The following UTP4 variants were observed in gnomAD, a reference collection of about 807,000 sequenced individuals.
The protein encoded by UTP4 is U3 small nucleolar RNA-associated protein 4 homolog.
A neutral mutation model predicts 82.4 loss-of-function variants in UTP4; 45 were observed. That is an observed-to-expected ratio of 0.55 (90% CI 0.43 to 0.70). UTP4 has a LOEUF of 0.70. Ranked by LOEUF, UTP4 falls within the 30% of genes least tolerant of loss-of-function variation. The pLI, the probability that UTP4 is intolerant of heterozygous loss-of-function variation, is 0.00. For missense variants in UTP4, 819 were observed against 858.3 expected, an observed-to-expected ratio of 0.95 and a Z score of 0.57; for synonymous variants, 348 against 300.3, an observed-to-expected ratio of 1.16 and a Z score of -1.64.
At chr16:69,133,923 T>C (rs1205467616) in intron 2 of UTP4, among the ~76,000 whole-genome samples, 3 of 152,232 alleles carry the variant, frequency 2.0e-5, no homozygotes, top group Non-Finnish European at 4.4e-5. Context: ...CTCAACACCA[T>C]TGCAGCTTTG....
intron 14 of UTP4, among the ~76,000 whole-genome samples, chr16:69,163,916 C>G (rs946729411): frequency 7.1e-6 from 1 of 140,098 alleles, no homozygotes; most frequent in African/African-American, 2.8e-5. Context: ...GACAGAGTCT[C>G]GCTCTGTCGC....
intron 4 of UTP4, 72 bp downstream of exon 4, chr16:69,137,957 G>C: frequency 1.1e-6 from 1 of 935,392 alleles, no homozygotes. Flanking sequence ...CTGGGGATGG[G>C]ATATTTTCCC....
At chr16:69,149,537 C>T (rs555281411) in intron 6 of UTP4, among the ~76,000 whole-genome samples, 2 of 151,796 alleles carry the variant, frequency 1.3e-5, no homozygotes, top group Admixed American at 6.6e-5. Context: ...GGTGACAGAG[C>T]GAAACTCCGT....
At chr16:69,156,480 C>T (rs145329688) in intron 11 of UTP4, among the ~76,000 whole-genome samples, 3,033 of 142,572 alleles carry the variant, frequency 0.021, 47 homozygotes, top group Non-Finnish European at 0.029. Flanking sequence ...TTTTTTTTGA[C>T]CGAGTTTCAC....
At position 69,136,865 on chromosome 16, in the gene UTP4, G is replaced by A. The variant is rs1013526056; in HGVS notation, c.329G>A (p.Ser110Asn). The A allele has an allele frequency of 6.2e-7, 1 of 1,614,110 alleles. No individual in the cohort carries two copies. The highest frequency in any genetic ancestry group is 8.5e-7 in the Non-Finnish European group (1 of 1,179,998). Residue 110 changes from serine (S) to asparagine (N), a missense_variant, in exon 3 of 17, where the codon AGC becomes AAC. Physicochemically the swap from Ser to Asn is conservative, Grantham distance 46 (BLOSUM62 1). Coordinates refer to ENST00000314423, the MANE Select transcript of UTP4 (RefSeq NM_032830.3). ...FGGPIWSMAA[S>N]PSGSQLLVGC... ...GGACCTATTTGGAGCATGGCTGCCA[G>A]CCCCAGTGGCTCTCAACTTTTGGTT... is the stretch of plus-strand genomic sequence containing the variant.
Position 69,167,991 on chromosome 16 carries a change from T to C in UTP4, c.1944+806T>C, listed in dbSNP as rs1439385255. ...TTGCACCACTGCACTCCAGGCTGGG[T>C]AACATCGAGATTCTGTCTGAGAAAA... is the stretch of plus-strand genomic sequence containing the variant. On this transcript the variant is annotated intron_variant, in intron 16 of 16. Coordinates refer to ENST00000314423, the MANE Select transcript of UTP4 (RefSeq NM_032830.3). 2.0e-5 allele frequency: 3 copies of C among 151,034 alleles called. No individual in the cohort carries two copies. The East Asian group carries it at 6.0e-4, about 30-fold the overall frequency. 9.4% of individuals were successfully genotyped at this position (151,034 alleles called of 1,614,324 possible). A position where few individuals can be genotyped will look rare whatever the true frequency, so the allele number is the denominator to read the frequency against.
At chr16:69,153,763 A>G in intron 9 of UTP4, 83 bp downstream of exon 9, 1 of 918,588 alleles carries the variant, frequency 1.1e-6, no homozygotes, top group Non-Finnish European at 1.8e-6. Flanking sequence ...TTCTGCTTAT[A>G]GAAAAACTGA....
intron 13 of UTP4, among the ~76,000 whole-genome samples, chr16:69,160,787 G>A (rs1272942909): frequency 1.3e-5 from 2 of 151,646 alleles, no homozygotes; most frequent in African/African-American, 2.4e-5. Flanking sequence ...ATAGAGACAG[G>A]GTTTCACCGT....
At chr16:69,139,303 C>T (rs1188708179) in intron 4 of UTP4, among the ~76,000 whole-genome samples, 4 of 151,970 alleles carry the variant, frequency 2.6e-5, no homozygotes, top group Non-Finnish European at 4.4e-5. Context: ...TAATACAATG[C>T]TTTTTAAAAA....
chr16:69,154,337 A>T, intron 9 of UTP4, 56 bp from the exon 10 acceptor site: 1 of 1,388,308 alleles, frequency 7.2e-7, no homozygotes, highest in Non-Finnish European at 1.0e-6. Context: ...TAGAAGAAAA[A>T]TGTACAAATA....
In UTP4 at chr16:69,165,056, G is replaced by C. The variant is rs1411449632; in HGVS notation, c.1648-285G>C. Among the ~76,000 whole-genome samples the C allele has an allele frequency of 2.6e-5, 4 of 152,030 alleles. No homozygotes were observed. The East Asian group carries it at 5.8e-4, about 22-fold the overall frequency. On this transcript the variant is annotated intron_variant, in intron 14 of 16. Coordinates refer to ENST00000314423, the MANE Select transcript of UTP4 (RefSeq NM_032830.3). Reference sequence around the variant, plus strand: ...TAAAAATACAAAAAATTAGCCGGGCGTACTCGTGGGCGCCTATAGTCCCAG... The same window carrying C: ...TAAAAATACAAAAAATTAGCCGGGCCTACTCGTGGGCGCCTATAGTCCCAG...
rs1962708790 is a variant in UTP4 at position 69,133,449 on chromosome 16, G to A, written c.-2-9G>A. The A allele has an allele frequency of 1.2e-6, 2 of 1,613,710 alleles. No homozygotes were observed. Among genetic ancestry groups the A allele is most frequent in the Non-Finnish European group, 1.7e-6 (2 of 1,179,748 alleles). ...ATATAGCAATAATGACTCTCTTTTC[G>A]CCCCCTAGGAATGGGTGAATTTAAG... is the stretch of plus-strand genomic sequence containing the variant. On this transcript the variant is annotated splice_polypyrimidine_tract_variant and intron_variant, in intron 1 of 16. Transcript: ENST00000314423.
At chr16:69,162,110 G>C (rs886952653) in intron 13 of UTP4, among the ~76,000 whole-genome samples, 1 of 151,946 alleles carries the variant, frequency 6.6e-6, no homozygotes, top group Non-Finnish European at 1.5e-5. Flanking sequence ...TGGGATTACA[G>C]GTGCACGCCA....
rs779309975 is a variant in UTP4 at position 69,160,488 on chromosome 16, G to A, written c.1551+26G>A. On this transcript the variant is annotated intron_variant, in intron 13 of 16. Transcript: ENST00000314423. ...GTGAGCATAGGGTTTCATGGCAGCA[G>A]TTTGAATCATTGTACAGGAGCCAGT... is the stretch of plus-strand genomic sequence containing the variant. 4 of 1,558,396 alleles carry A rather than the reference G, an allele frequency of 2.6e-6. No individual in the cohort carries two copies. The African/African-American group carries it at 5.4e-5, about 21-fold the overall frequency.
chr16:69,154,572 T>TTTTAGA, intron 10 of UTP4, 115 bp downstream of exon 10: 1 of 826,658 alleles, frequency 1.2e-6, no homozygotes, highest in Non-Finnish European at 2.1e-6. Context: ...ATTCTAAAAC[T>TTTTAGA]ATTTGAATGA....
intron 15 of UTP4, 110 bp from the exon 16 acceptor site, chr16:69,166,965 T>C (rs929457739): frequency 2.6e-6 from 2 of 773,344 alleles, no homozygotes; most frequent in Non-Finnish European, 4.6e-6. Context: ...AGGTACTGAA[T>C]ATATATGATG....
At chr16:69,144,913 G>A (rs774268112) in intron 6 of UTP4, among the ~76,000 whole-genome samples, 17 of 152,218 alleles carry the variant, frequency 1.1e-4, no homozygotes, top group Middle Eastern at 3.4e-3. Flanking sequence ...AGGCCAAGGC[G>A]GACGGATCAC....
intron 10 of UTP4, 116 bp downstream of exon 10, chr16:69,154,573 A>G (rs879066538): frequency 7.3e-6 from 6 of 819,296 alleles, no homozygotes; most frequent in South Asian, 5.9e-5. Context: ...TTCTAAAACT[A>G]TTTGAATGAA....
chr16:69,144,719 ATGTT>A (rs930763468), intron 6 of UTP4, among the ~76,000 whole-genome samples: 8 of 152,312 alleles, frequency 5.3e-5, no homozygotes, highest in Admixed American at 2.6e-4. Flanking sequence ...AGTTTGATGT[ATGTT>A]AAGGCCCTGA....
Sources: allele counts gnomAD v4.1 joint callset (sites outside exome capture counted in the v4.1 genomes callset), GRCh38; gene constraint gnomAD v4.1.1; transcripts MANE v1.5; gene names NCBI Gene and HGNC (gene_info 2026-07-23, HGNC 2026-07-21).